The following PAQR8 variants were observed in gnomAD, a reference collection of about 807,000 sequenced individuals.
The protein encoded by PAQR8 is membrane progestin receptor beta.
Under a neutral mutation model 25.2 loss-of-function variants are expected in PAQR8, and 17 were observed. That is an observed-to-expected ratio of 0.67 (90% confidence interval 0.46 to 1.01). The LOEUF is 1.01. Ranked by LOEUF, PAQR8 falls within the 50% of genes least tolerant of loss-of-function variation. PAQR8 has a pLI of 0.00. For synonymous variants in PAQR8, 204 were observed against 190.6 expected (o/e 1.07, Z -0.58); for missense variants, 392 against 448.4 (o/e 0.87, Z 1.14).
intron 1 of PAQR8, among the ~76,000 whole-genome samples, chr6:52,366,790 C>T (rs1024549496): frequency 2.6e-5 from 4 of 152,010 alleles, no homozygotes; most frequent in African/African-American, 9.7e-5. Context: ...CCCTCTGTCA[C>T]CCAGGCTGGA....
intron 1 of PAQR8, among the ~76,000 whole-genome samples, chr6:52,368,286 A>C (rs1326985031): frequency 1.3e-5 from 2 of 152,166 alleles, no homozygotes; most frequent in African/African-American, 4.8e-5. Flanking sequence ...TGATCTAGAA[A>C]CCATTGGTAC....
intron 1 of PAQR8, among the ~76,000 whole-genome samples, chr6:52,398,694 C>T (rs1362167330): frequency 6.6e-6 from 1 of 152,130 alleles, no homozygotes; most frequent in Non-Finnish European, 1.5e-5. Flanking sequence ...GCTGGGATTA[C>T]AGGCACCGGC....
Position 52,403,370 on chromosome 6 carries a change from A to T in PAQR8, c.157A>T (p.Thr53Ser). The change falls in exon 2 of 2, where the codon ACC becomes TCC. Residue 53 changes from threonine to serine, a missense_variant. Coordinates refer to ENST00000442253, the MANE Select transcript of PAQR8 (RefSeq NM_133367.5). ...PQLFREPYIR[T>S]GYRPTGHEWR... is the part of the protein sequence containing the mutation. Reference sequence around the variant, plus strand: ...GCTCTTCCGGGAGCCTTACATCCGCACCGGCTACCGCCCCACGGGGCACGA... The same window carrying T: ...GCTCTTCCGGGAGCCTTACATCCGCTCCGGCTACCGCCCCACGGGGCACGA... 6.2e-7 allele frequency: 1 copy of T among 1,614,216 alleles called. No individual in the cohort carries two copies. Among genetic ancestry groups the T allele is most frequent in the African/African-American group, 1.3e-5 (1 of 75,074 alleles).
At chr6:52,393,333 CTTT>C (rs35079265) in intron 1 of PAQR8, among the ~76,000 whole-genome samples, 3 of 111,188 alleles carry the variant, frequency 2.7e-5, no homozygotes, top group Admixed American at 2.2e-4. Context: ...CTTTCTCTCT[CTTT>C]TTTTTTTTTT....
intron 1 of PAQR8, among the ~76,000 whole-genome samples, chr6:52,394,750 G>A (rs962166178): frequency 7.9e-5 from 12 of 152,116 alleles, no homozygotes; most frequent in African/African-American, 2.7e-4. Flanking sequence ...TTCAACTTAA[G>A]ACGTTTTCAA....
chr6:52,403,455 C>T lies in PAQR8; in HGVS notation c.242C>T (p.Thr81Ile). The T allele has an allele frequency of 6.2e-7, 1 of 1,614,246 alleles. No homozygotes were observed. ...QKHNEVVNVW[T>I]HLLAALAVLL... ...CACAACGAGGTGGTCAACGTCTGGA[C>T]CCATTTACTGGCAGCCCTGGCCGTC... The change falls in exon 2 of 2, where the codon ACC becomes ATC. Residue 81 changes from threonine (T) to isoleucine (I), a missense_variant. Coordinates refer to ENST00000442253, the MANE Select transcript of PAQR8 (RefSeq NM_133367.5).
intron 1 of PAQR8, among the ~76,000 whole-genome samples, chr6:52,379,666 C>G (rs1264593103): frequency 1.5e-5 from 2 of 134,612 alleles, no homozygotes; most frequent in Admixed American, 1.6e-4. Flanking sequence ...TCGCTCTGTC[C>G]CCCAGGCTGG....
rs185099953 is a variant in PAQR8, at chr6:52,406,358, G to A, written c.*2080G>A. Reference sequence around the variant, plus strand: ...TCTTGAATATAACTGGTGGTATTGTGGGCAGAGATCTTTAGTTCAAATCCA... The same window carrying A: ...TCTTGAATATAACTGGTGGTATTGTAGGCAGAGATCTTTAGTTCAAATCCA... On this transcript the variant is annotated 3_prime_UTR_variant, in exon 2 of 2. Transcript: ENST00000442253. 1.1e-3 allele frequency: 459 copies of A among 411,518 alleles called. No homozygotes were observed. The highest frequency in any genetic ancestry group is 1.6e-4 in the Non-Finnish European group (35 of 225,224). The allele number at this position is 411,518 out of a possible 1,614,324, so 25.5% of individuals were successfully genotyped here. A position where few individuals can be genotyped will look rare whatever the true frequency, so the allele number is the denominator to read the frequency against.
chr6:52,370,069 CA>C (rs1251809999), intron 1 of PAQR8, among the ~76,000 whole-genome samples: 1 of 147,574 alleles, frequency 6.8e-6, no homozygotes, highest in Non-Finnish European at 1.5e-5. Context: ...TCTTGGATTG[CA>C]TGGGTTTTTT....
intron 1 of PAQR8, among the ~76,000 whole-genome samples, chr6:52,365,173 T>C (rs1763337642): frequency 6.6e-6 from 1 of 151,880 alleles, no homozygotes; most frequent in Admixed American, 6.6e-5. Flanking sequence ...TTGCCCCAGC[T>C]GTAGGTAATG....
At chr6:52,365,114 C>T (rs1244294978) in intron 1 of PAQR8, among the ~76,000 whole-genome samples, 3 of 150,516 alleles carry the variant, frequency 2.0e-5, no homozygotes, top group Non-Finnish European at 3.0e-5. Context: ...AACAAAAATA[C>T]AAAAGACTTG....
intron 1 of PAQR8, among the ~76,000 whole-genome samples, chr6:52,380,294 A>G (rs944366214): frequency 6.6e-6 from 1 of 152,198 alleles, no homozygotes; most frequent in Non-Finnish European, 1.5e-5. Flanking sequence ...ATCTGTGTCT[A>G]AATCTGCCAG....
Position 52,403,289 on chromosome 6 carries a change from C to G in PAQR8, c.76C>G (p.Leu26Val), listed in dbSNP as rs749812375. Residue 26 changes from leucine (L) to valine (V), a missense_variant, in exon 2 of 2, where the codon CTG becomes GTG. By Grantham distance (32) the Leu-to-Val change is conservative (BLOSUM62 1). Coordinates refer to ENST00000442253, the MANE Select transcript of PAQR8 (RefSeq NM_133367.5). ...GCAGCTGCGCCGCCTGCCCAAGATC[C>G]TGGAGGATGGGCTTCCCAAGATGCC... ...GQQLRRLPKI[L>V]EDGLPKMPCT... is the part of the protein sequence containing the mutation. 1 of 1,613,886 alleles carries G rather than the reference C, an allele frequency of 6.2e-7. No homozygotes were observed. Among genetic ancestry groups the G allele is most frequent in the East Asian group, 2.2e-5 (1 of 44,870 alleles).
At chr6:52,401,214 G>A (rs1763825527) in intron 1 of PAQR8, among the ~76,000 whole-genome samples, 1 of 152,196 alleles carries the variant, frequency 6.6e-6, no homozygotes, top group South Asian at 2.1e-4. Context: ...TGAGACGTAT[G>A]AGTAGGAATT....
chr6:52,380,816 T>G (rs559431755), intron 1 of PAQR8, among the ~76,000 whole-genome samples: 87 of 152,340 alleles, frequency 5.7e-4, no homozygotes, highest in Non-Finnish European at 1.3e-4. Flanking sequence ...TCCTGTGACC[T>G]GGACATGTTT....
chr6:52,385,111 G>C (rs1763614976), intron 1 of PAQR8, among the ~76,000 whole-genome samples: 4 of 152,178 alleles, frequency 2.6e-5, no homozygotes, highest in Admixed American at 2.6e-4. Flanking sequence ...ACGTGTTGTG[G>C]GAGGGACCCG....
intron 1 of PAQR8, among the ~76,000 whole-genome samples, chr6:52,401,757 C>T (rs1439965700): frequency 2.6e-5 from 4 of 152,128 alleles, no homozygotes; most frequent in African/African-American, 9.7e-5. Context: ...GTCAGTTGCT[C>T]ACCTCATATT....
chr6:52,387,454 G>T (rs1488032308), intron 1 of PAQR8, among the ~76,000 whole-genome samples: 1 of 152,168 alleles, frequency 6.6e-6, no homozygotes, highest in African/African-American at 2.4e-5. Flanking sequence ...TAAATTCAGT[G>T]TACCTCAGTT....
At position 52,407,294 on chromosome 6, in the gene PAQR8, C is replaced by T. The variant is rs180682853; in HGVS notation, c.*3016C>T. ...ATGGCAGGACACAGCAAACAGGACA[C>T]ATTTGCCTGCTTCTCTCTTGCCTAA... is the stretch of plus-strand genomic sequence containing the variant. On this transcript the variant is annotated 3_prime_UTR_variant, in exon 2 of 2. Transcript: ENST00000442253. 11 of 167,072 alleles carry T rather than the reference C, an allele frequency of 6.6e-5. No individual in the cohort carries two copies. Among genetic ancestry groups the T allele is most frequent in the Admixed American group, 1.3e-4 (2 of 15,298 alleles). 10.3% of individuals were successfully genotyped at this position (167,072 alleles called of 1,614,324 possible).
Sources: allele counts gnomAD v4.1 joint callset (sites outside exome capture counted in the v4.1 genomes callset), GRCh38; gene constraint gnomAD v4.1.1; transcripts MANE v1.5; gene names NCBI Gene and HGNC (gene_info 2026-07-23, HGNC 2026-07-21).